The following PLAG1 variants were observed in gnomAD, a reference collection of about 807,000 sequenced individuals.
The protein encoded by PLAG1 is zinc finger protein PLAG1.
In PLAG1, 7 loss-of-function variants were observed where a neutral mutation model predicts 35.5. The observed-to-expected ratio is 0.20, with a 90% CI of 0.11 to 0.37. The LOEUF (loss-of-function observed/expected upper bound fraction) is 0.37, where lower values mean the gene tolerates loss of function less well. PLAG1 is among the 10% of genes least tolerant of loss of function. The pLI, the probability that PLAG1 is intolerant of heterozygous loss-of-function variation, is 1.00. For synonymous variants in PLAG1, 229 were observed against 225.4 expected (o/e 1.02, Z -0.14); for missense variants, 454 against 602.8 (o/e 0.75, Z 2.58).
rs533282906 is a variant in PLAG1 at position 56,165,133 on chromosome 8, G to A, written c.*1110C>T. 12 of 209,636 alleles carry A rather than the reference G, an allele frequency of 5.7e-5. No homozygotes were observed. Among genetic ancestry groups the A allele is most frequent in the Admixed American group, 2.9e-4 (5 of 16,990 alleles). 13.0% of individuals were successfully genotyped at this position (209,636 alleles called of 1,614,324 possible). A position where few individuals can be genotyped will look rare whatever the true frequency, so the allele number is the denominator to read the frequency against. On this transcript the variant is annotated 3_prime_UTR_variant, in exon 5 of 5. Transcript: ENST00000316981. ...AAATTCAGCAAGAAATGATATAAGC[G>A]ATATGCTTTTACTTTACTTCTAAAA... is the stretch of plus-strand genomic sequence containing the variant.
At chr8:56,169,928 C>A (rs931598903) in intron 3 of PLAG1, among the ~76,000 whole-genome samples, 1 of 152,188 alleles carries the variant, frequency 6.6e-6, no homozygotes, top group African/African-American at 2.4e-5. Context: ...TGTTTTGGCA[C>A]CAGACTGACA....
chr8:56,191,517 G>C (rs1812182958), intron 1 of PLAG1, among the ~76,000 whole-genome samples: 1 of 152,116 alleles, frequency 6.6e-6, no homozygotes, highest in African/African-American at 2.4e-5. Flanking sequence ...TGTAATTTCA[G>C]AGCACTTCGA....
At position 56,163,541 on chromosome 8, in the gene PLAG1, G is replaced by C. The variant is rs956284604; in HGVS notation, c.*2702C>G. ...TACTCTGAAGTGTTATTTCAAGTCT[G>C]GGGGTGGGAACAGGCAAAGAGGTGT... On this transcript the variant is annotated 3_prime_UTR_variant, in exon 5 of 5. Transcript: ENST00000316981. 3.5e-5 allele frequency: 7 copies of C among 200,492 alleles called. No homozygotes were observed. Among genetic ancestry groups the C allele is most frequent in the Non-Finnish European group, 6.2e-5 (6 of 96,986 alleles). The allele number at this position is 200,492 out of a possible 1,614,324, so 12.4% of individuals were successfully genotyped here. A position where few individuals can be genotyped will look rare whatever the true frequency, so the allele number is the denominator to read the frequency against.
At chr8:56,199,731 C>T (rs868425652) in intron 1 of PLAG1, among the ~76,000 whole-genome samples, 16 of 152,058 alleles carry the variant, frequency 1.1e-4, no homozygotes, top group African/African-American at 2.4e-4. Flanking sequence ...CTCCACCACC[C>T]CCCCCGATCC....
chr8:56,195,238 A>G (rs895457867), intron 1 of PLAG1, among the ~76,000 whole-genome samples: 2 of 152,164 alleles, frequency 1.3e-5, no homozygotes, highest in African/African-American at 4.8e-5. Context: ...TTTTTCATGC[A>G]TTATCTCATT....
chr8:56,210,722 G>T (rs959642491), intron 1 of PLAG1, among the ~76,000 whole-genome samples: 13 of 151,814 alleles, frequency 8.6e-5, no homozygotes, highest in Non-Finnish European at 1.9e-4. Context: ...AATGTCTTCC[G>T]CTCTCGCTGC....
At chr8:56,198,859 C>A (rs1369740851) in intron 1 of PLAG1, among the ~76,000 whole-genome samples, 1 of 152,184 alleles carries the variant, frequency 6.6e-6, no homozygotes, top group African/African-American at 2.4e-5. Context: ...ACTACTGTGT[C>A]CTTTGCTCAT....
chr8:56,192,598 G>A (rs967825006), intron 1 of PLAG1, among the ~76,000 whole-genome samples: 1 of 152,218 alleles, frequency 6.6e-6, no homozygotes, highest in East Asian at 1.9e-4. Flanking sequence ...ATATCTGTTA[G>A]TTTTTAATGC....
chr8:56,176,380 T>G (rs560155623), intron 2 of PLAG1, among the ~76,000 whole-genome samples: 22 of 146,356 alleles, frequency 1.5e-4, no homozygotes, highest in Non-Finnish European at 2.8e-4. Flanking sequence ...GATCCACAAC[T>G]TAGAAGCACT....
At chr8:56,190,994 A>G (rs1424030249) in intron 1 of PLAG1, among the ~76,000 whole-genome samples, 3 of 152,150 alleles carry the variant, frequency 2.0e-5, no homozygotes, top group African/African-American at 7.2e-5. Flanking sequence ...TGCTGGAGGA[A>G]CGTGGGAGCC....
chr8:56,171,052 C>T, intron 3 of PLAG1, 39 bp downstream of exon 3: 2 of 398,352 alleles, frequency 5.0e-6, no homozygotes, highest in Non-Finnish European at 6.8e-6. Flanking sequence ...TTTAAAGGTG[C>T]ATGCATAGAA....
Position 56,179,514 on chromosome 8 carries a change from C to T in PLAG1, c.-321-1G>A. The T allele has an allele frequency of 1.1e-6, 1 of 922,744 alleles. No individual in the cohort carries two copies. Among genetic ancestry groups the T allele is most frequent in the Non-Finnish European group, 1.3e-6 (1 of 772,478 alleles). The allele number at this position is 922,744 out of a possible 1,614,324, so 57.2% of individuals were successfully genotyped here. On this transcript the variant is annotated splice_acceptor_variant, in intron 1 of 4. Transcript: ENST00000316981. LOFTEE classifies it low-confidence loss of function (5UTR_SPLICE). ...GGCCAAGGCAGCACCAAGAGGCAAC[C>T]TAAAAAGAAAAGAAGAGTTAGTTTT...
In PLAG1 at chr8:56,163,341, T is replaced by C. The variant is rs138228101; in HGVS notation, c.*2902A>G. 157 of 180,006 alleles carry C rather than the reference T, an allele frequency of 8.7e-4. 1 individual carries two copies. In the East Asian group the frequency reaches 0.013, roughly 15 times the overall value. 11.2% of individuals were successfully genotyped at this position (180,006 alleles called of 1,614,324 possible). ...TATTTTTAATCATATCTAGTTGACA[T>C]AGAAACAAACAATCTTTTTCTAGGG... On this transcript the variant is annotated 3_prime_UTR_variant, in exon 5 of 5. Coordinates refer to ENST00000316981, the MANE Select transcript of PLAG1 (RefSeq NM_002655.3).
intron 1 of PLAG1, among the ~76,000 whole-genome samples, chr8:56,190,242 G>T (rs949914759): frequency 3.9e-5 from 6 of 152,136 alleles, no homozygotes; most frequent in Admixed American, 3.9e-4. Flanking sequence ...ATGGCATACA[G>T]CAGAGACCAT....
At chr8:56,184,785 C>T (rs56777886) in intron 1 of PLAG1, among the ~76,000 whole-genome samples, 6,637 of 152,076 alleles carry the variant, frequency 0.044, 463 homozygotes, top group African/African-American at 0.15. Flanking sequence ...GTTGTGGTGG[C>T]AGGCGCCTGT....
intron 1 of PLAG1, among the ~76,000 whole-genome samples, chr8:56,181,224 C>T (rs1039240823): frequency 1.7e-4 from 26 of 152,230 alleles, no homozygotes; most frequent in African/African-American, 5.5e-4. Flanking sequence ...TGGGTATATA[C>T]CCAAAGGATT....
At chr8:56,169,083 T>A (rs1811441228) in intron 3 of PLAG1, among the ~76,000 whole-genome samples, 1 of 152,254 alleles carries the variant, frequency 6.6e-6, no homozygotes, top group African/African-American at 2.4e-5. Flanking sequence ...AGAGCATGGC[T>A]CTTTGTCATT....
At chr8:56,199,781 A>C (rs1812497397) in intron 1 of PLAG1, among the ~76,000 whole-genome samples, 1 of 152,144 alleles carries the variant, frequency 6.6e-6, no homozygotes, top group South Asian at 2.1e-4. Context: ...AGAGGAATCC[A>C]GAGGTAAAGA....
rs1811345842 is a variant in PLAG1 at position 56,166,162 on chromosome 8, T to G, written c.*81A>C. On this transcript the variant is annotated 3_prime_UTR_variant, in exon 5 of 5. Transcript: ENST00000316981. Reference sequence around the variant, plus strand: ...AAAAGCAGAAATTTTTATACTGTTTTAAAGTAGGCACTAAAATAAAAATGG... The same window carrying G: ...AAAAGCAGAAATTTTTATACTGTTTGAAAGTAGGCACTAAAATAAAAATGG... 1 of 999,998 alleles carries G rather than the reference T, an allele frequency of 1.0e-6. No homozygotes were observed. The highest frequency in any genetic ancestry group is 1.5e-6 in the Non-Finnish European group (1 of 678,092). The allele number at this position is 999,998 out of a possible 1,614,324, so 61.9% of individuals were successfully genotyped here.
Sources: allele counts gnomAD v4.1 joint callset (sites outside exome capture counted in the v4.1 genomes callset), GRCh38; gene constraint gnomAD v4.1.1; transcripts MANE v1.5; gene names NCBI Gene and HGNC (gene_info 2026-07-23, HGNC 2026-07-21).